The following MECOM variants were observed in gnomAD, a reference collection of about 807,000 sequenced individuals.
MECOM encodes the protein MDS1 and EVI1 complex locus.
A neutral mutation model predicts 116.3 loss-of-function variants in MECOM; 13 were observed. The observed-to-expected ratio is 0.11, with a 90% CI of 0.07 to 0.18. The LOEUF (loss-of-function observed/expected upper bound fraction) is 0.18, where lower values mean the gene tolerates loss of function less well. Ranked by LOEUF, MECOM falls within the 10% of genes least tolerant of loss-of-function variation. MECOM has a pLI of 1.00. For synonymous variants in MECOM, 528 were observed against 535.2 expected (o/e 0.99, Z 0.19); for missense variants, 1,299 against 1,509.0 (o/e 0.86, Z 2.31).
chr3:169,276,445 C>T (rs1185851434), intron 2 of MECOM, among the ~76,000 whole-genome samples: 5 of 149,276 alleles, frequency 3.3e-5, no homozygotes, highest in East Asian at 4.0e-4. Flanking sequence ...CCCACCTACT[C>T]GGGAGGCTGA....
rs139168675 is a variant in MECOM, at chr3:169,196,728, G to A, written c.376-52896C>T. ...ACACTGCTGGTGTGAATCCAAATTA[G>A]TTCAGCCATTGGGAAAGCAGTGTGG... On this transcript the variant is annotated intron_variant, in intron 2 of 16. Coordinates refer to ENST00000651503, the MANE Select transcript of MECOM (RefSeq NM_004991.4). Among the ~76,000 whole-genome samples, 761 of 152,114 alleles carry A rather than the reference G, an allele frequency of 5.0e-3. 2 individuals carry two copies. The highest frequency in any genetic ancestry group is 0.02 in the South Asian group (96 of 4,826).
intron 2 of MECOM, among the ~76,000 whole-genome samples, chr3:169,218,329 A>G (rs545435943): frequency 3.9e-5 from 6 of 152,326 alleles, no homozygotes. Context: ...TTTAATTTGC[A>G]GTAGAATTTT....
rs1403226759 is a variant in MECOM, at chr3:169,417,998, C to T, written c.38-36474G>A. ...GGGAGGGATAGCATTAGGAGATATACCTAATGCTAAATGACGAGTTAATGT... is the reference window on the plus strand; with the variant it reads ...GGGAGGGATAGCATTAGGAGATATATCTAATGCTAAATGACGAGTTAATGT... On this transcript the variant is annotated intron_variant, in intron 1 of 16. Transcript: ENST00000651503. Among the ~76,000 whole-genome samples the T allele has an allele frequency of 4.0e-5, 6 of 151,356 alleles. No individual in the cohort carries two copies. The East Asian group carries it at 1.2e-3, about 30-fold the overall frequency.
intron 2 of MECOM, among the ~76,000 whole-genome samples, chr3:169,259,891 A>G (rs1159637761): frequency 4.6e-5 from 7 of 152,190 alleles, no homozygotes; most frequent in Admixed American, 3.9e-4. Context: ...TTGAATCCCA[A>G]CTTCACAAAT....
chr3:169,480,122 A>C (rs1751065421), intron 1 of MECOM, among the ~76,000 whole-genome samples: 1 of 152,214 alleles, frequency 6.6e-6, no homozygotes, highest in African/African-American at 2.4e-5. Context: ...GGTTTTCTGT[A>C]GGTTGCCAAA....
At chr3:169,113,205 C>T (rs1409740985) in intron 8 of MECOM, among the ~76,000 whole-genome samples, 1 of 151,958 alleles carries the variant, frequency 6.6e-6, no homozygotes, top group Non-Finnish European at 1.5e-5. Flanking sequence ...GACAAGAATG[C>T]TTAATGATTT....
At chr3:169,546,769 A>T (rs1182465168) in intron 1 of MECOM, among the ~76,000 whole-genome samples, 1 of 152,242 alleles carries the variant, frequency 6.6e-6, no homozygotes, top group Non-Finnish European at 1.5e-5. Flanking sequence ...TAGGTTTGTT[A>T]TAAAAGTGTT....
At chr3:169,291,843 T>C (rs1268457043) in intron 2 of MECOM, among the ~76,000 whole-genome samples, 1 of 152,204 alleles carries the variant, frequency 6.6e-6, no homozygotes, top group Non-Finnish European at 1.5e-5. Flanking sequence ...AATTTGAGTA[T>C]CATCTTGAAT....
At chr3:169,610,510 T>TGC (rs1769122017) in intron 1 of MECOM, among the ~76,000 whole-genome samples, 1 of 122,712 alleles carries the variant, frequency 8.1e-6, no homozygotes, top group African/African-American at 3.0e-5. Flanking sequence ...TGTGTGTGTG[T>TGC]GTGTGTGTGT....
At chr3:169,494,014 G>A (rs1578258561) in intron 1 of MECOM, among the ~76,000 whole-genome samples, 1 of 152,206 alleles carries the variant, frequency 6.6e-6, no homozygotes, top group African/African-American at 2.4e-5. Context: ...ATCTTTGATG[G>A]TTGGTGTGAA....
At chr3:169,566,384 C>T (rs575242455) in intron 1 of MECOM, among the ~76,000 whole-genome samples, 1 of 152,196 alleles carries the variant, frequency 6.6e-6, no homozygotes, top group Non-Finnish European at 1.5e-5. Context: ...ACACCCCACT[C>T]CTGCTGAGAG....
chr3:169,573,472 G>A (rs766263497), intron 1 of MECOM, among the ~76,000 whole-genome samples: 15 of 152,142 alleles, frequency 9.9e-5, no homozygotes, highest in Admixed American at 5.2e-4. Flanking sequence ...GGTATCTGAC[G>A]GCAGCCGAAG....
At chr3:169,576,933 T>C (rs1217939725) in intron 1 of MECOM, among the ~76,000 whole-genome samples, 1 of 152,050 alleles carries the variant, frequency 6.6e-6, no homozygotes, top group Non-Finnish European at 1.5e-5. Context: ...TTAGACATTG[T>C]GTAGACATAG....
chr3:169,254,540 T>C (rs781141656), intron 2 of MECOM, among the ~76,000 whole-genome samples: 8 of 152,136 alleles, frequency 5.3e-5, no homozygotes, highest in Non-Finnish European at 1.2e-4. Context: ...AACCATTTTC[T>C]CAGGGGGAAA....
chr3:169,108,652 G>T (rs997676997), intron 9 of MECOM, among the ~76,000 whole-genome samples: 1 of 151,998 alleles, frequency 6.6e-6, no homozygotes, highest in African/African-American at 2.4e-5. Context: ...TACATGTTTT[G>T]GTATATTTAA....
intron 2 of MECOM, among the ~76,000 whole-genome samples, chr3:169,365,046 G>A (rs1479120489): frequency 6.6e-6 from 1 of 151,852 alleles, no homozygotes; most frequent in Non-Finnish European, 1.5e-5. Flanking sequence ...ATCATCCATT[G>A]GGCAAGAAAT....
At chr3:169,267,463 G>A (rs915920863) in intron 2 of MECOM, among the ~76,000 whole-genome samples, 6 of 152,174 alleles carry the variant, frequency 3.9e-5, no homozygotes, top group Non-Finnish European at 8.8e-5. Context: ...ATGAGACCAC[G>A]ATAGGTAAAT....
intron 5 of MECOM, among the ~76,000 whole-genome samples, chr3:169,123,666 T>G (rs551143639): frequency 6.6e-6 from 1 of 151,972 alleles, no homozygotes; most frequent in South Asian, 2.1e-4. Flanking sequence ...CAGAGCTCCG[T>G]GGTAAAATAG....
chr3:169,401,720 G>C (rs1735936484), intron 1 of MECOM, among the ~76,000 whole-genome samples: 2 of 152,186 alleles, frequency 1.3e-5, no homozygotes, highest in South Asian at 4.1e-4. Context: ...GGGAAAAAAA[G>C]ACCCTACTAG....
Sources: allele counts gnomAD v4.1 joint callset (sites outside exome capture counted in the v4.1 genomes callset), GRCh38; gene constraint gnomAD v4.1.1; transcripts MANE v1.5; gene names NCBI Gene and HGNC (gene_info 2026-07-23, HGNC 2026-07-21).